The following ABI1 variants were observed in gnomAD, a reference collection of about 807,000 sequenced individuals.
The protein encoded by ABI1 is Abelson interactor 1.
In ABI1, 14 loss-of-function variants were observed where a neutral mutation model predicts 54.6. The ratio of observed to expected loss-of-function variants is 0.26; its 90% CI spans 0.17 to 0.40. ABI1 has a LOEUF of 0.40. Among genes scored for constraint, ABI1 ranks in the 10% least tolerant of loss-of-function variants. The probability of loss-of-function intolerance (pLI) is 1.00; values close to 1 mark genes in which losing one functional copy is unlikely to be tolerated. For synonymous variants in ABI1, 194 were observed against 209.3 expected, an observed-to-expected ratio of 0.93 and a Z score of 0.63; for missense variants, 443 against 598.3, an observed-to-expected ratio of 0.74 and a Z score of 2.71.
intron 2 of ABI1, among the ~76,000 whole-genome samples, chr10:26,788,723 TA>T (rs773512607): frequency 5.6e-4 from 85 of 152,010 alleles, no homozygotes; most frequent in South Asian, 1.0e-3. Flanking sequence ...CTATCCTGGC[TA>T]ACACAGTGAA....
chr10:26,762,050 A>C (rs374005133), intron 7 of ABI1, among the ~76,000 whole-genome samples: 23 of 152,258 alleles, frequency 1.5e-4, no homozygotes, highest in African/African-American at 5.5e-4. Flanking sequence ...TCTGTCACCC[A>C]GGCTAGAGCG....
intron 1 of ABI1, among the ~76,000 whole-genome samples, chr10:26,848,173 C>T (rs913507916): frequency 1.5e-5 from 2 of 137,334 alleles, no homozygotes; most frequent in Non-Finnish European, 3.0e-5. Context: ...CACTCCAGAA[C>T]CTGGGCAACA....
chr10:26,758,959 T>C, intron 8 of ABI1, 103 bp downstream of exon 8: 1 of 1,154,860 alleles, frequency 8.7e-7, no homozygotes, highest in Non-Finnish European at 1.2e-6. Flanking sequence ...TGAAACATCA[T>C]GGTTTTCAAT....
At chr10:26,831,958 T>C (rs1405574093) in intron 1 of ABI1, among the ~76,000 whole-genome samples, 13 of 152,224 alleles carry the variant, frequency 8.5e-5, no homozygotes. Context: ...GAAGCTAATT[T>C]ATTGATTTTA....
At chr10:26,779,974 C>A (rs934737883) in intron 2 of ABI1, among the ~76,000 whole-genome samples, 1 of 152,128 alleles carries the variant, frequency 6.6e-6, no homozygotes, top group African/African-American at 2.4e-5. Context: ...GTCAGTCCTG[C>A]AGCCTTAGAA....
intron 2 of ABI1, among the ~76,000 whole-genome samples, chr10:26,803,107 A>C (rs1230982282): frequency 6.6e-6 from 1 of 152,216 alleles, no homozygotes; most frequent in Admixed American, 6.5e-5. Context: ...AATGAGCAAG[A>C]GTTAGGCAGA....
At chr10:26,853,528 ACTTT>A (rs1473138618) in intron 1 of ABI1, among the ~76,000 whole-genome samples, 1 of 138,262 alleles carries the variant, frequency 7.2e-6, no homozygotes, top group Non-Finnish European at 1.5e-5. Flanking sequence ...ATTTTACCTT[ACTTT>A]TTTTTTTTTT....
chr10:26,849,162 A>C (rs2050208891), intron 1 of ABI1, among the ~76,000 whole-genome samples: 1 of 152,116 alleles, frequency 6.6e-6, no homozygotes, highest in South Asian at 2.1e-4. Flanking sequence ...AATACTACTA[A>C]TGTTATTTGC....
At chr10:26,857,671 T>C (rs115983244) in intron 1 of ABI1, among the ~76,000 whole-genome samples, 1,721 of 150,298 alleles carry the variant, frequency 0.011, 40 homozygotes, top group African/African-American at 0.04. Context: ...AACTTTCTAT[T>C]TTTAGTATTA....
chr10:26,826,602 G>A (rs908986903), intron 1 of ABI1, among the ~76,000 whole-genome samples: 10 of 152,130 alleles, frequency 6.6e-5, no homozygotes, highest in Non-Finnish European at 1.2e-4. Flanking sequence ...AGCCCTAGAC[G>A]GCATCTTCTC....
At chr10:26,769,938 C>T (rs1840459534) in intron 5 of ABI1, among the ~76,000 whole-genome samples, 3 of 152,176 alleles carry the variant, frequency 2.0e-5, no homozygotes, top group African/African-American at 7.2e-5. Context: ...ATTTGGAATA[C>T]TCTAATCATT....
intron 7 of ABI1, 136 bp from the exon 8 acceptor site, chr10:26,759,374 G>A: frequency 1.6e-5 from 9 of 579,880 alleles, no homozygotes; most frequent in African/African-American, 1.9e-5. Flanking sequence ...AAAATAAAGA[G>A]AAAAGTAAAG....
chr10:26,782,349 CA>C (rs1842213126), intron 2 of ABI1, among the ~76,000 whole-genome samples: 2 of 151,434 alleles, frequency 1.3e-5, no homozygotes, highest in Admixed American at 6.6e-5. Flanking sequence ...AAAATCAGCT[CA>C]AAAAACCTCA....
chr10:26,798,851 C>T (rs1013745539), intron 2 of ABI1, among the ~76,000 whole-genome samples: 1 of 151,734 alleles, frequency 6.6e-6, no homozygotes, highest in African/African-American at 2.4e-5. Context: ...GATCTCAACA[C>T]ATGAGATCTT....
chr10:26,832,364 C>T (rs559307424), intron 1 of ABI1, among the ~76,000 whole-genome samples: 1 of 152,160 alleles, frequency 6.6e-6, no homozygotes, highest in East Asian at 1.9e-4. Flanking sequence ...GGGCGGATCA[C>T]GAGGTCAGGA....
Position 26,748,474 on chromosome 10 carries a change from G to A in ABI1, c.*96C>T. ...TAAAACAGCATGTTCTGAAAATATG[G>A]GCACATTTTAAAACATATTAAGACA... On this transcript the variant is annotated 3_prime_UTR_variant, in exon 11 of 11. Transcript: ENST00000376140. The A allele has an allele frequency of 1.1e-6, 1 of 880,606 alleles. No individual in the cohort carries two copies. The allele number at this position is 880,606 out of a possible 1,614,324, so 54.5% of individuals were successfully genotyped here.
chr10:26,823,077 T>C, intron 2 of ABI1, 61 bp downstream of exon 2: 1 of 1,418,606 alleles, frequency 7.0e-7, no homozygotes. Flanking sequence ...GGCTATTTAC[T>C]TCTTTGGCAT....
At chr10:26,831,334 G>A (rs1200086360) in intron 1 of ABI1, among the ~76,000 whole-genome samples, 1 of 152,054 alleles carries the variant, frequency 6.6e-6, no homozygotes, top group Non-Finnish European at 1.5e-5. Context: ...CTTAAGGTCA[G>A]GAGTTCAAGA....
rs146808859 is a variant in ABI1, at chr10:26,840,510, G to GCT, written c.118-17207_118-17206dup. Among the ~76,000 whole-genome samples, 193 of 152,258 alleles carry GCT rather than the reference G, an allele frequency of 1.3e-3. 1 individual carries two copies. Among genetic ancestry groups the GCT allele is most frequent in the Non-Finnish European group, 9.4e-4 (64 of 68,018 alleles). ...AACACAGTTTCACAGAATAGTCTTA[G>GCT]CTATCTCCAGCCTAGTGATTCATTA... On this transcript the variant is annotated intron_variant, in intron 1 of 10. Coordinates refer to ENST00000376140, the MANE Select transcript of ABI1 (RefSeq NM_001012750.3).
Sources: gnomAD v4.1 joint callset for allele counts (sites outside exome capture counted in the v4.1 genomes callset) on GRCh38, gnomAD v4.1.1 for gene constraint, MANE v1.5 for transcripts, NCBI Gene and HGNC (gene_info 2026-07-23, HGNC 2026-07-21) for gene names.